Variants in EPM2A observed in about 807,000 individuals in gnomAD.
EPM2A encodes the protein EPM2A glucan phosphatase, laforin, also known as laforin.
EPM2A carries 21 observed loss-of-function variants against 26.5 expected under a neutral mutation model. The observed-to-expected ratio is 0.79, with a 90% CI of 0.56 to 1.14. The LOEUF (loss-of-function observed/expected upper bound fraction) is 1.14, where lower values mean the gene tolerates loss of function less well. Ranked by LOEUF, EPM2A falls within the 50% of genes most tolerant of loss-of-function variation. EPM2A has a pLI of 0.00. For missense variants in EPM2A, 458 were observed against 440.8 expected, an observed-to-expected ratio of 1.04 and a Z score of -0.35; for synonymous variants, 217 against 177.6, an observed-to-expected ratio of 1.22 and a Z score of -1.76.
intron 4 of EPM2A, among the ~76,000 whole-genome samples, chr6:145,424,817 C>G (rs1778831513): frequency 6.6e-6 from 1 of 152,190 alleles, no homozygotes; most frequent in East Asian, 1.9e-4. Flanking sequence ...AATGGGCCTT[C>G]ACCAGACACT....
At chr6:145,713,970 G>A (rs1274787632) in intron 1 of EPM2A, among the ~76,000 whole-genome samples, 1 of 152,160 alleles carries the variant, frequency 6.6e-6, no homozygotes, top group Admixed American at 6.6e-5. Flanking sequence ...AGTGAAAGCA[G>A]CCAGTTACAA....
intron 3 of EPM2A, 112 bp from the exon 4 acceptor site, chr6:145,627,805 G>C: frequency 6.9e-7 from 1 of 1,451,038 alleles, no homozygotes; most frequent in Non-Finnish European, 9.3e-7. Context: ...GCCAGGCAGG[G>C]ATACGAGAGT....
At chr6:145,480,109 T>C (rs1256837965) in intron 4 of EPM2A, among the ~76,000 whole-genome samples, 1 of 152,030 alleles carries the variant, frequency 6.6e-6, no homozygotes, top group Non-Finnish European at 1.5e-5. Flanking sequence ...TTGGGTTGTC[T>C]GTCTCTTTGT....
intron 2 of EPM2A, among the ~76,000 whole-genome samples, chr6:145,590,831 A>G (rs1360580227): frequency 6.6e-6 from 1 of 152,182 alleles, no homozygotes; most frequent in African/African-American, 2.4e-5. Context: ...AATCATAATA[A>G]TAACAGGCAT....
chr6:145,619,295 G>A (rs1278499284), intron 2 of EPM2A, among the ~76,000 whole-genome samples: 2 of 152,188 alleles, frequency 1.3e-5, no homozygotes, highest in South Asian at 2.1e-4. Flanking sequence ...TACTATAGAC[G>A]ATGATTGAGA....
chr6:145,426,203 G>T (rs954241493), intron 4 of EPM2A, among the ~76,000 whole-genome samples: 4 of 152,158 alleles, frequency 2.6e-5, no homozygotes, highest in African/African-American at 9.7e-5. Context: ...GGCCAGGATA[G>T]GGACCCATCA....
chr6:145,687,349 C>G (rs1460169269), intron 1 of EPM2A, among the ~76,000 whole-genome samples: 1 of 151,588 alleles, frequency 6.6e-6, no homozygotes, highest in Non-Finnish European at 1.5e-5. Flanking sequence ...AATCTTAGAC[C>G]CCCCAGCCTC....
rs1356246262 is a variant in EPM2A at position 145,626,647 on chromosome 6, CCAG to C, written c.*766_*768del. The C allele has an allele frequency of 1.0e-6, 1 of 979,468 alleles. No individual in the cohort carries two copies. The highest frequency in any genetic ancestry group is 1.2e-6 in the Non-Finnish European group (1 of 824,504). The allele number at this position is 979,468 out of a possible 1,614,324, so 60.7% of individuals were successfully genotyped here. On this transcript the variant is annotated 3_prime_UTR_variant, in exon 4 of 4. Transcript: ENST00000367519. ...GTCAAATAAATATAGATTATTAACTCCAGCTTGCCCTTGACTGGTCATGAGACC... is the reference window on the plus strand; with the variant it reads ...GTCAAATAAATATAGATTATTAACTCCTTGCCCTTGACTGGTCATGAGACC...
At chr6:145,513,146 AAATTATGCCTCCAACAAAGGATT>A (rs1478611144) in intron 2 of EPM2A, among the ~76,000 whole-genome samples, 2 of 152,228 alleles carry the variant, frequency 1.3e-5, no homozygotes, top group East Asian at 3.8e-4. Flanking sequence ...AAATATTGAC[AAATTATGCCTCCAACAAAGGATT>A]AATATCCTGA....
At chr6:145,472,980 T>C (rs372787661) in intron 4 of EPM2A, among the ~76,000 whole-genome samples, 3 of 152,004 alleles carry the variant, frequency 2.0e-5, no homozygotes, top group African/African-American at 7.2e-5. Context: ...AACTCTTCAA[T>C]TCCCAGACAC....
intron 2 of EPM2A, among the ~76,000 whole-genome samples, chr6:145,570,934 G>A (rs552218117): frequency 1.6e-4 from 25 of 152,272 alleles, no homozygotes; most frequent in Middle Eastern, 6.8e-3. Context: ...TTACCCTGTT[G>A]ACTTAAAGGT....
chr6:145,723,987 T>C (rs894761346), intron 1 of EPM2A, among the ~76,000 whole-genome samples: 1 of 152,112 alleles, frequency 6.6e-6, no homozygotes, highest in African/African-American at 2.4e-5. Context: ...TTGCAGAGCT[T>C]ACACAGAACT....
intron 4 of EPM2A, among the ~76,000 whole-genome samples, chr6:145,402,659 T>G (rs191601757): frequency 4.6e-5 from 7 of 152,298 alleles, no homozygotes; most frequent in Admixed American, 4.6e-4. Flanking sequence ...TATTTTTAAT[T>G]GGTTCAGAAA....
rs961200630 is a variant in EPM2A at position 145,492,600 on chromosome 6, G to A, written c.555+9922C>T. ...TCAGATGAGCAAATTGAAGGAAGGC[G>A]AATGCAGAGGATTTTATTGCTGATG... is the stretch of plus-strand genomic sequence containing the variant. On this transcript the variant is annotated intron_variant, in intron 4 of 4. Transcript: ENST00000638717. Among the ~76,000 whole-genome samples the A allele has an allele frequency of 9.2e-5, 14 of 151,964 alleles. No homozygotes were observed. In the East Asian group the frequency reaches 1.7e-3, roughly 19 times the overall value.
intron 2 of EPM2A, among the ~76,000 whole-genome samples, chr6:145,537,824 C>T (rs376881053): frequency 6.6e-6 from 1 of 151,692 alleles, no homozygotes; most frequent in African/African-American, 2.4e-5. Flanking sequence ...CATTGTTCAA[C>T]TCCCACTTAT....
rs149414570 is a variant in EPM2A at position 145,437,442 on chromosome 6, T to C, written c.556-53345A>G. Among the ~76,000 whole-genome samples the C allele has an allele frequency of 5.4e-4, 82 of 152,218 alleles. 1 individual carries two copies. Among genetic ancestry groups the C allele is most frequent in the African/African-American group, 1.9e-3 (77 of 41,526 alleles). On this transcript the variant is annotated intron_variant, in intron 4 of 4. Coordinates refer to the EPM2A transcript ENST00000638717. The stretch of plus-strand genomic sequence containing the variant: ...GAATACAGCATGTATTTTCCCCAAA[T>C]AGTAAAATAAACTGACCAGTGGATC...
At chr6:145,516,854 C>A (rs1780134691) in intron 2 of EPM2A, among the ~76,000 whole-genome samples, 1 of 152,038 alleles carries the variant, frequency 6.6e-6, no homozygotes, top group African/African-American at 2.4e-5. Context: ...TATATTTATC[C>A]AAAAGAATTG....
chr6:145,540,713 A>G lies in EPM2A; in HGVS notation c.341-38138T>C, dbSNP rs532409009. Among the ~76,000 whole-genome samples, 83 of 152,334 alleles carry G rather than the reference A, an allele frequency of 5.4e-4. 1 individual carries two copies. The highest frequency in any genetic ancestry group is 8.5e-4 in the Admixed American group (13 of 15,298). ...TTTTACTAGTAAAGACGCATTTCAG[A>G]AAACAAATTTCAAACATTTTACAAA... On this transcript the variant is annotated intron_variant, in intron 2 of 3. Transcript: ENST00000450221.
intron 1 of EPM2A, 154 bp downstream of exon 1, chr6:145,735,044 C>A: frequency 2.3e-6 from 1 of 435,708 alleles, no homozygotes; most frequent in Non-Finnish European, 3.9e-6. Context: ...GCAGGGTCAG[C>A]CCAGGTCGCC....
Sources: gnomAD v4.1 joint callset for allele counts (sites outside exome capture counted in the v4.1 genomes callset) on GRCh38, gnomAD v4.1.1 for gene constraint, MANE v1.5 for transcripts, NCBI Gene and HGNC (gene_info 2026-07-23, HGNC 2026-07-21) for gene names.